COL4A1: variants seen among roughly 807,000 people sequenced by gnomAD.
COL4A1 encodes collagen alpha-1(IV) chain.
COL4A1 carries 40 observed loss-of-function variants against 216.6 expected under a neutral mutation model. That is an observed-to-expected ratio of 0.18 (90% confidence interval 0.14 to 0.24). The LOEUF (loss-of-function observed/expected upper bound fraction) is 0.24. Among genes scored for constraint, COL4A1 ranks in the 10% least tolerant of loss-of-function variants. The pLI is 1.00. For missense variants in COL4A1, 1,628 were observed against 2,196.8 expected (o/e 0.74, Z 5.18); for synonymous variants, 839 against 810.7 (o/e 1.03, Z -0.59).
chr13:110,273,306 A>C (rs1372051808), intron 1 of COL4A1, among the ~76,000 whole-genome samples: 1 of 152,242 alleles, frequency 6.6e-6, no homozygotes, highest in African/African-American at 2.4e-5. Flanking sequence ...AAGGTCTATT[A>C]TGGGTTCGTC....
intron 1 of COL4A1, among the ~76,000 whole-genome samples, chr13:110,300,852 A>G (rs1482231396): frequency 1.3e-5 from 2 of 152,264 alleles, no homozygotes; most frequent in African/African-American, 4.8e-5. Flanking sequence ...AGGTACAACA[A>G]CAGAAACACA....
At chr13:110,181,858 T>C (rs1352662558) in intron 28 of COL4A1, among the ~76,000 whole-genome samples, 2 of 152,210 alleles carry the variant, frequency 1.3e-5, no homozygotes. Context: ...CTGCCCACTG[T>C]CTGGGCCCCG....
chr13:110,188,943 G>A (rs1373548901), intron 24 of COL4A1, among the ~76,000 whole-genome samples: 1 of 152,124 alleles, frequency 6.6e-6, no homozygotes, highest in Non-Finnish European at 1.5e-5. Context: ...GGAGAGAGTC[G>A]GCAGCAACTC....
chr13:110,266,645 A>T (rs1883048154), intron 1 of COL4A1, among the ~76,000 whole-genome samples: 1 of 152,190 alleles, frequency 6.6e-6, no homozygotes, highest in Non-Finnish European at 1.5e-5. Flanking sequence ...TGGACATGGG[A>T]TATAAAATTG....
chr13:110,227,483 G>C (rs1880794540), intron 2 of COL4A1, among the ~76,000 whole-genome samples: 1 of 151,892 alleles, frequency 6.6e-6, no homozygotes, highest in Non-Finnish European at 1.5e-5. Context: ...CAGAGACAGA[G>C]AGACATAAAG....
chr13:110,251,259 C>T (rs1337052238), intron 1 of COL4A1, among the ~76,000 whole-genome samples: 4 of 152,348 alleles, frequency 2.6e-5, no homozygotes, highest in Admixed American at 2.0e-4. Flanking sequence ...TGGCCTGCAC[C>T]GGCCATGTGG....
At chr13:110,236,132 G>A (rs1389018071) in intron 2 of COL4A1, among the ~76,000 whole-genome samples, 2 of 152,164 alleles carry the variant, frequency 1.3e-5, no homozygotes, top group South Asian at 2.1e-4. Context: ...GCACAAAAAC[G>A]ACTAGAATGT....
intron 1 of COL4A1, among the ~76,000 whole-genome samples, chr13:110,261,571 G>A (rs2139277966): frequency 6.6e-6 from 1 of 152,294 alleles, no homozygotes; most frequent in Admixed American, 6.5e-5. Flanking sequence ...AGATAAGAAG[G>A]AAGACACAGA....
chr13:110,171,322 G>A (rs1411734049), intron 41 of COL4A1, among the ~76,000 whole-genome samples: 2 of 152,192 alleles, frequency 1.3e-5, no homozygotes, highest in African/African-American at 4.8e-5. Context: ...GAGAGGGCAG[G>A]AGGGGGGGAT....
chr13:110,225,645 A>G (rs1880703865), intron 2 of COL4A1, among the ~76,000 whole-genome samples: 1 of 152,368 alleles, frequency 6.6e-6, no homozygotes, highest in East Asian at 1.9e-4. Context: ...GAAAGATCCC[A>G]AGAAAATGAT....
intron 1 of COL4A1, among the ~76,000 whole-genome samples, chr13:110,263,100 G>A (rs771677888): frequency 9.9e-5 from 15 of 152,180 alleles, no homozygotes; most frequent in Non-Finnish European, 2.1e-4. Flanking sequence ...AAACTCCCAC[G>A]CAGCAGAAAG....
chr13:110,226,102 T>C (rs534819309), intron 2 of COL4A1, among the ~76,000 whole-genome samples: 2 of 152,312 alleles, frequency 1.3e-5, no homozygotes, highest in Non-Finnish European at 2.9e-5. Context: ...TAAAAGAGAA[T>C]GAAAAGGCCA....
At position 110,203,582 on chromosome 13, in the gene COL4A1, G is replaced by C; in HGVS notation, c.983C>G (p.Pro328Arg). 1 of 1,614,028 alleles carries C rather than the reference G, an allele frequency of 6.2e-7. No individual in the cohort carries two copies. The highest frequency in any genetic ancestry group is 8.5e-7 in the Non-Finnish European group (1 of 1,180,028). Residue 328 changes from proline to arginine, a missense_variant, in exon 18 of 52, where the codon CCT becomes CGT. Physicochemically the swap from Pro to Arg is moderately radical, Grantham distance 103. Coordinates refer to ENST00000375820, the MANE Select transcript of COL4A1 (RefSeq NM_001845.6). ...PQGEKGEAGP[P>R]GPPGIVIGTG... ...CTTACTCACAATTCCAGGTGGGCCA[G>C]GAGGACCTGCTTCACCCTTTTCTCC...
chr13:110,251,959 C>T (rs1882091000), intron 1 of COL4A1, among the ~76,000 whole-genome samples: 2 of 152,148 alleles, frequency 1.3e-5, no homozygotes, highest in Non-Finnish European at 2.9e-5. Context: ...AGCACATTTA[C>T]GGGAAGACTT....
chr13:110,193,162 C>T (rs1280607662), intron 22 of COL4A1, among the ~76,000 whole-genome samples: 2 of 152,244 alleles, frequency 1.3e-5, no homozygotes, highest in Non-Finnish European at 2.9e-5. Flanking sequence ...CACAGACGCA[C>T]TGCTTAAAGA....
chr13:110,212,514 G>GA (rs1387597230), intron 5 of COL4A1, 35 bp from the exon 6 acceptor site: 2 of 1,614,082 alleles, frequency 1.2e-6, no homozygotes, highest in Non-Finnish European at 1.7e-6. Context: ...AACCCAGGCA[G>GA]AAAATCGCCT....
At chr13:110,188,641 C>T (rs1878500882) in intron 24 of COL4A1, among the ~76,000 whole-genome samples, 1 of 152,186 alleles carries the variant, frequency 6.6e-6, no homozygotes, top group Non-Finnish European at 1.5e-5. Context: ...TATGCCTGTG[C>T]CTCTGGAGTG....
At chr13:110,192,562 C>A (rs1330359212) in intron 23 of COL4A1, among the ~76,000 whole-genome samples, 1 of 152,110 alleles carries the variant, frequency 6.6e-6, no homozygotes, top group African/African-American at 2.4e-5. Flanking sequence ...AACATGAATT[C>A]CATTAACTGC....
intron 1 of COL4A1, among the ~76,000 whole-genome samples, chr13:110,264,044 C>T (rs565298895): frequency 6.6e-6 from 1 of 152,310 alleles, no homozygotes; most frequent in South Asian, 2.1e-4. Flanking sequence ...AGGGCTGCTG[C>T]GGCAGCTGTG....
Sources: allele counts gnomAD v4.1 joint callset (sites outside exome capture counted in the v4.1 genomes callset), GRCh38; gene constraint gnomAD v4.1.1; transcripts MANE v1.5; gene names NCBI Gene and HGNC (gene_info 2026-07-23, HGNC 2026-07-21).